The following NKAIN3 variants were observed in gnomAD, a reference collection of about 807,000 sequenced individuals.
The protein encoded by NKAIN3 is sodium/potassium-transporting ATPase subunit beta-1-interacting protein 3.
A neutral mutation model predicts 30.2 loss-of-function variants in NKAIN3; 25 were observed. The observed-to-expected ratio is 0.83, with a 90% CI of 0.60 to 1.16. The LOEUF (loss-of-function observed/expected upper bound fraction) is 1.16, where lower values mean the gene tolerates loss of function less well. Among genes scored for constraint, NKAIN3 ranks in the 50% most tolerant of loss-of-function variants. The probability of loss-of-function intolerance (pLI) is 0.00; values close to 1 mark genes in which losing one functional copy is unlikely to be tolerated. For synonymous variants in NKAIN3, 91 were observed against 89.6 expected (o/e 1.02, Z -0.09); for missense variants, 225 against 254.1 (o/e 0.89, Z 0.78).
rs564943697 is a variant in NKAIN3 at position 62,971,614 on chromosome 8, T to C, written c.*6207T>C. Among the ~76,000 whole-genome samples the C allele has an allele frequency of 2.7e-5, 4 of 149,418 alleles. No homozygotes were observed. The Admixed American group carries it at 2.7e-4, about 10-fold the overall frequency. On this transcript the variant is annotated 3_prime_UTR_variant, in exon 7 of 7. Coordinates refer to ENST00000623646, the MANE Select transcript of NKAIN3 (RefSeq NM_001304533.3). ...TGCCACTGCACTCCAACCTGGGAGA[T>C]GGAGCCAAACCTTGTCTCAAAAAAA...
At chr8:62,788,114 C>A (rs188059266) in intron 4 of NKAIN3, among the ~76,000 whole-genome samples, 1 of 152,174 alleles carries the variant, frequency 6.6e-6, no homozygotes, top group Non-Finnish European at 1.5e-5. Context: ...AATCGCCACA[C>A]CGACTTCCAC....
intron 1 of NKAIN3, among the ~76,000 whole-genome samples, chr8:62,369,140 A>C (rs1816829842): frequency 6.6e-6 from 1 of 151,970 alleles, no homozygotes; most frequent in Non-Finnish European, 1.5e-5. Flanking sequence ...AACTTTATTC[A>C]AGATCTGATT....
At chr8:62,635,271 C>T (rs531208013) in intron 3 of NKAIN3, among the ~76,000 whole-genome samples, 1 of 152,272 alleles carries the variant, frequency 6.6e-6, no homozygotes, top group East Asian at 1.9e-4. Context: ...TGTGAGCTCT[C>T]TCAATCATTA....
At chr8:62,257,005 G>A (rs957895887) in intron 1 of NKAIN3, among the ~76,000 whole-genome samples, 9 of 151,846 alleles carry the variant, frequency 5.9e-5, no homozygotes, top group Admixed American at 6.6e-5. Context: ...ATACTTATGA[G>A]GTAATTTGAT....
At chr8:62,728,619 C>T (rs1419546527) in intron 3 of NKAIN3, among the ~76,000 whole-genome samples, 1 of 151,824 alleles carries the variant, frequency 6.6e-6, no homozygotes, top group Non-Finnish European at 1.5e-5. Flanking sequence ...GAGCGGAGAT[C>T]GCGCCATTGC....
At chr8:62,999,271 G>A (rs901354622) in exon 6 of NKAIN3, 1 of 152,182 alleles carries the variant, frequency 6.6e-6, no homozygotes, top group Non-Finnish European at 1.5e-5. Context: ...CTCAGCTTTT[G>A]GAAAGGACTC....
intron 3 of NKAIN3, among the ~76,000 whole-genome samples, chr8:62,653,675 T>C (rs376933166): frequency 1.8e-4 from 28 of 152,232 alleles, no homozygotes; most frequent in African/African-American, 6.7e-4. Context: ...GGGAGCAGGA[T>C]GGCATCGAAG....
chr8:62,856,699 G>A (rs1171595404), intron 4 of NKAIN3: 2 of 743,660 alleles, frequency 2.7e-6, no homozygotes, highest in Non-Finnish European at 4.9e-6. Flanking sequence ...ATCAGGTCTT[G>A]GAAACGTTTT....
In NKAIN3 at chr8:62,944,745, A is replaced by G. The variant is rs559310014; in HGVS notation, c.533-9157A>G. Among the ~76,000 whole-genome samples the G allele has an allele frequency of 3.3e-5, 5 of 152,318 alleles. No individual in the cohort carries two copies. The South Asian group carries it at 1.0e-3, about 32-fold the overall frequency. ...ACATGATTGAGTAAACATAAATTCA[A>G]TATAAATCTTGATGAGTAAGTCCTA... is the stretch of plus-strand genomic sequence containing the variant. On this transcript the variant is annotated intron_variant, in intron 5 of 6. Transcript: ENST00000623646.
intron 2 of NKAIN3, among the ~76,000 whole-genome samples, chr8:62,584,542 T>C (rs1015824217): frequency 1.3e-5 from 2 of 152,186 alleles, no homozygotes; most frequent in African/African-American, 4.8e-5. Flanking sequence ...AAATTGTTTC[T>C]TTATCTACTT....
chr8:62,504,099 C>T (rs953072213), intron 1 of NKAIN3, among the ~76,000 whole-genome samples: 1 of 152,224 alleles, frequency 6.6e-6, no homozygotes, highest in African/African-American at 2.4e-5. Flanking sequence ...CTTCCCACAA[C>T]AGATTCTCAT....
chr8:62,815,408 A>T (rs1264081753), intron 4 of NKAIN3, among the ~76,000 whole-genome samples: 1 of 152,164 alleles, frequency 6.6e-6, no homozygotes, highest in Admixed American at 6.5e-5. Flanking sequence ...CCTGGCAGAG[A>T]CACAACCAAA....
At chr8:62,435,385 C>T (rs374564990) in intron 1 of NKAIN3, among the ~76,000 whole-genome samples, 1 of 152,124 alleles carries the variant, frequency 6.6e-6, no homozygotes, top group African/African-American at 2.4e-5. Context: ...CCAAAAACCA[C>T]ACGCTGACAG....
At chr8:62,666,217 AAAAT>A (rs970254276) in intron 3 of NKAIN3, among the ~76,000 whole-genome samples, 1 of 152,168 alleles carries the variant, frequency 6.6e-6, no homozygotes, top group Non-Finnish European at 1.5e-5. Context: ...TCTCTGTCTC[AAAAT>A]AATTAATTAA....
At chr8:62,949,339 AGTTGCT>A (rs1179389091) in intron 5 of NKAIN3, among the ~76,000 whole-genome samples, 1 of 152,206 alleles carries the variant, frequency 6.6e-6, no homozygotes, top group Non-Finnish European at 1.5e-5. Context: ...CAAATAGAAA[AGTTGCT>A]ATTGGTTGTG....
In NKAIN3 at chr8:62,284,993, G is replaced by A. The variant is rs1167503548; in HGVS notation, c.54+35866G>A. Among the ~76,000 whole-genome samples, 6 of 152,080 alleles carry A rather than the reference G, an allele frequency of 3.9e-5. No homozygotes were observed. In the East Asian group the frequency reaches 1.2e-3, roughly 29 times the overall value. On this transcript the variant is annotated intron_variant, in intron 1 of 6. Coordinates refer to ENST00000623646, the MANE Select transcript of NKAIN3 (RefSeq NM_001304533.3). Reference sequence around the variant, plus strand: ...AAAAATAGCAAAGCAGTTTTTTAAAGTGTGGGTTCAGGAATATACTAGAAT... The same window carrying A: ...AAAAATAGCAAAGCAGTTTTTTAAAATGTGGGTTCAGGAATATACTAGAAT...
At chr8:62,273,087 C>T (rs1443108737) in intron 1 of NKAIN3, among the ~76,000 whole-genome samples, 1 of 152,166 alleles carries the variant, frequency 6.6e-6, no homozygotes, top group Non-Finnish European at 1.5e-5. Flanking sequence ...TTCAATTAAA[C>T]TTTATTTGTA....
intron 4 of NKAIN3, among the ~76,000 whole-genome samples, chr8:62,791,780 A>G (rs1462445551): frequency 2.0e-5 from 3 of 151,844 alleles, no homozygotes; most frequent in African/African-American, 7.3e-5. Context: ...TCTTCATAAC[A>G]GTTTCCAGAA....
rs906982810 is a variant in NKAIN3 at position 62,365,780 on chromosome 8, T to A, written c.54+116653T>A. Among the ~76,000 whole-genome samples, 10 of 152,264 alleles carry A rather than the reference T, an allele frequency of 6.6e-5. No individual in the cohort carries two copies. The East Asian group carries it at 1.7e-3, about 26-fold the overall frequency. ...CAGTTCTTTCTCACTATAAAATTTT[T>A]TTTTTAATCTTTTGAGTGTGAAGTG... On this transcript the variant is annotated intron_variant, in intron 1 of 6. Transcript: ENST00000623646.
Sources: gnomAD v4.1 joint callset for allele counts (sites outside exome capture counted in the v4.1 genomes callset) on GRCh38, gnomAD v4.1.1 for gene constraint, MANE v1.5 for transcripts, NCBI Gene and HGNC (gene_info 2026-07-23, HGNC 2026-07-21) for gene names.